The following SCARB1 variants were observed in gnomAD, a reference collection of about 807,000 sequenced individuals.
SCARB1 encodes scavenger receptor class B member 1.
In SCARB1, 30 loss-of-function variants were observed where a neutral mutation model predicts 57.2. The ratio of observed to expected loss-of-function variants is 0.52; its 90% CI spans 0.39 to 0.71. The LOEUF is 0.71. SCARB1 is among the 30% of genes least tolerant of loss of function. The pLI is 0.00. For synonymous variants in SCARB1, 249 were observed against 268.3 expected, an observed-to-expected ratio of 0.93 and a Z score of 0.70; for missense variants, 543 against 671.2, an observed-to-expected ratio of 0.81 and a Z score of 2.11.
chr12:124,815,143 C>T (rs1192789236), intron 2 of SCARB1, 29 bp from the exon 3 acceptor site: 2 of 1,610,604 alleles, frequency 1.2e-6, no homozygotes, highest in Admixed American at 1.7e-5. Context: ...GGTCAGACGC[C>T]CCGCCCCGCT....
chr12:124,849,291 G>C (rs1475526386), intron 1 of SCARB1, among the ~76,000 whole-genome samples: 2 of 152,120 alleles, frequency 1.3e-5, no homozygotes, highest in East Asian at 3.8e-4. Context: ...ACTCCTCCAC[G>C]GGTGCATCTG....
chr12:124,838,504 C>A lies in SCARB1; in HGVS notation c.127-20797G>T, dbSNP rs568980156. Among the ~76,000 whole-genome samples, 3 of 152,254 alleles carry A rather than the reference C, an allele frequency of 2.0e-5. No individual in the cohort carries two copies. The South Asian group carries it at 6.2e-4, about 32-fold the overall frequency. On this transcript the variant is annotated intron_variant, in intron 1 of 12. Coordinates refer to ENST00000261693, the MANE Select transcript of SCARB1 (RefSeq NM_005505.5). ...GTTCAAGAACACGTCATGAAGCCAG[C>A]CAAGGTCTTGTAAAATAGGGCAACG...
At chr12:124,845,045 A>G (rs1260813865) in intron 1 of SCARB1, among the ~76,000 whole-genome samples, 3 of 151,896 alleles carry the variant, frequency 2.0e-5, no homozygotes, top group Non-Finnish European at 4.4e-5. Flanking sequence ...GTCCAAGGAC[A>G]CACTCAGGTT....
rs939877024 is a variant in SCARB1, at chr12:124,777,859, A to T, written c.*728T>A. 6.6e-6 allele frequency: 1 copy of T among 152,336 alleles called. No homozygotes were observed. The highest frequency in any genetic ancestry group is 2.4e-5 in the African/African-American group (1 of 41,412). 9.4% of individuals were successfully genotyped at this position (152,336 alleles called of 1,614,324 possible). A position where few individuals can be genotyped will look rare whatever the true frequency, so the allele number is the denominator to read the frequency against. On this transcript the variant is annotated 3_prime_UTR_variant, in exon 13 of 13. Transcript: ENST00000261693. ...CAGCCTGCGGCCACTTCGGCCAGAG[A>T]GTGGCCGGCTCAGTCCATAGGATGA...
chr12:124,796,462 G>C lies in SCARB1; in HGVS notation c.1129-1194C>G, dbSNP rs1018161901. Among the ~76,000 whole-genome samples, 5 of 152,220 alleles carry C rather than the reference G, an allele frequency of 3.3e-5. No homozygotes were observed. The highest frequency in any genetic ancestry group is 6.5e-5 in the Admixed American group (1 of 15,284). ...CATGTGTCATCAAAAACAACAGGAAGGTGGTTCCAGAATGAAGTCAGGAAA... is the reference window on the plus strand; with the variant it reads ...CATGTGTCATCAAAAACAACAGGAACGTGGTTCCAGAATGAAGTCAGGAAA... On this transcript the variant is annotated intron_variant, in intron 8 of 12. Coordinates refer to ENST00000261693, the MANE Select transcript of SCARB1 (RefSeq NM_005505.5). This position sits in a 1 kb window ranked among gnomAD's most constrained non-coding sequence, Gnocchi z 4.0.
intron 1 of SCARB1, among the ~76,000 whole-genome samples, chr12:124,834,778 T>C (rs1224991194): frequency 6.6e-6 from 1 of 152,160 alleles, no homozygotes; most frequent in African/African-American, 2.4e-5. Flanking sequence ...CATGGTGGCA[T>C]GTACTTGTAG....
At chr12:124,819,957 A>G (rs931708956) in intron 1 of SCARB1, among the ~76,000 whole-genome samples, 13 of 152,370 alleles carry the variant, frequency 8.5e-5, no homozygotes, top group Admixed American at 5.2e-4. Context: ...TGGCGTGTCA[A>G]TGAAGAAGCT....
chr12:124,847,571 G>T (rs1008081017), intron 1 of SCARB1, among the ~76,000 whole-genome samples: 13 of 152,214 alleles, frequency 8.5e-5, no homozygotes, highest in African/African-American at 3.1e-4. Context: ...TGGCCCAGGG[G>T]ATGAGTCAGG....
At chr12:124,863,221 C>CAT (rs1241891766) in intron 1 of SCARB1, among the ~76,000 whole-genome samples, 1 of 151,602 alleles carries the variant, frequency 6.6e-6, no homozygotes, top group Non-Finnish European at 1.5e-5. Context: ...CAGACGTTCA[C>CAT]ACACTCTTGG....
chr12:124,835,340 C>A (rs1428515470), intron 1 of SCARB1, among the ~76,000 whole-genome samples: 1 of 151,934 alleles, frequency 6.6e-6, no homozygotes, highest in Non-Finnish European at 1.5e-5. Context: ...CTCACTGTAG[C>A]CTTGAACTCC....
At chr12:124,841,413 C>T (rs532115677) in intron 1 of SCARB1, among the ~76,000 whole-genome samples, 12 of 146,780 alleles carry the variant, frequency 8.2e-5, no homozygotes, top group East Asian at 2.0e-4. Flanking sequence ...ACTCGGGAGG[C>T]GGAGGTTGCA....
chr12:124,828,365 G>A (rs997138549), intron 1 of SCARB1, among the ~76,000 whole-genome samples: 1 of 152,058 alleles, frequency 6.6e-6, no homozygotes, highest in Non-Finnish European at 1.5e-5. Context: ...CTACAGTGAG[G>A]CTGCTCTGAC....
intron 11 of SCARB1, chr12:124,785,716 G>A (rs1188817300): frequency 1.2e-5 from 3 of 257,448 alleles, no homozygotes; most frequent in Non-Finnish European, 2.2e-5. Flanking sequence ...TATTGATGCC[G>A]TTTATACTGA....
chr12:124,803,321 G>A (rs545627800), intron 7 of SCARB1, among the ~76,000 whole-genome samples: 2 of 152,326 alleles, frequency 1.3e-5, no homozygotes, highest in East Asian at 1.9e-4. Context: ...GTTCATGCCT[G>A]TAATCCCAGC....
chr12:124,793,393 G>A (rs552348679), intron 9 of SCARB1, among the ~76,000 whole-genome samples: 2 of 144,584 alleles, frequency 1.4e-5, no homozygotes, highest in African/African-American at 5.2e-5. Context: ...CTGCTGCACT[G>A]CTGCTAAGAA....
At position 124,858,084 on chromosome 12, in the gene SCARB1, C is replaced by T. The variant is rs545699177; in HGVS notation, c.126+5511G>A. ...GCACAGCTGCATGCCAGGCTCAGAT[C>T]CAGGGAATGGGAGCAAGAGTCCCCA... On this transcript the variant is annotated intron_variant, in intron 1 of 12. Transcript: ENST00000261693. Among the ~76,000 whole-genome samples the T allele has an allele frequency of 1.6e-3, 246 of 152,298 alleles. 1 individual carries two copies. The highest frequency in any genetic ancestry group is 3.4e-3 in the Middle Eastern group (1 of 294).
intron 1 of SCARB1, among the ~76,000 whole-genome samples, chr12:124,833,941 G>T (rs951257269): frequency 7.9e-5 from 12 of 152,270 alleles, no homozygotes; most frequent in Non-Finnish European, 1.5e-4. Flanking sequence ...CTCAGCGGGG[G>T]CACTTTGTTC....
chr12:124,850,585 G>A (rs1439134509), intron 1 of SCARB1, among the ~76,000 whole-genome samples: 1 of 151,946 alleles, frequency 6.6e-6, no homozygotes, highest in Admixed American at 6.6e-5. Flanking sequence ...TGAGAGAATC[G>A]CTTGAACCTG....
chr12:124,825,994 A>G (rs1238561574), intron 1 of SCARB1, among the ~76,000 whole-genome samples: 2 of 152,046 alleles, frequency 1.3e-5, no homozygotes, highest in Non-Finnish European at 2.9e-5. Context: ...GAGGACTGTG[A>G]TTAATACTGT....
Sources: gnomAD v4.1 joint callset for allele counts (sites outside exome capture counted in the v4.1 genomes callset) on GRCh38, gnomAD v4.1.1 for gene constraint, Gnocchi (gnomAD v3.1) non-coding constraint, MANE v1.5 for transcripts, NCBI Gene and HGNC (gene_info 2026-07-23, HGNC 2026-07-21) for gene names.